The following KLHDC8A variants were observed in gnomAD, a reference collection of about 807,000 sequenced individuals.
KLHDC8A encodes the protein kelch domain-containing protein 8A.
A neutral mutation model predicts 33.1 loss-of-function variants in KLHDC8A; 21 were observed. The observed-to-expected ratio is 0.64, with a 90% CI of 0.45 to 0.91. The LOEUF is 0.91. KLHDC8A is among the 40% of genes least tolerant of loss of function. The probability of loss-of-function intolerance (pLI) is 0.00; values close to 1 mark genes in which losing one functional copy is unlikely to be tolerated. For missense variants in KLHDC8A, 435 were observed against 483.3 expected (o/e 0.90, Z 0.94); for synonymous variants, 173 against 193.5 (o/e 0.89, Z 0.88).
At chr1:205,345,583 CA>C (rs1229532536) in intron 1 of KLHDC8A, among the ~76,000 whole-genome samples, 1 of 151,238 alleles carries the variant, frequency 6.6e-6, no homozygotes, top group East Asian at 1.9e-4. Context: ...ACTAAGAATG[CA>C]AAAAAAATTA....
At position 205,339,907 on chromosome 1, in the gene KLHDC8A, A is replaced by G. The variant is rs1662746251; in HGVS notation, c.377-99T>C. ...CCTCCCATGGCCAGGCCAAGCTTTCAACCACTGCTCAGCCAGAGTGAGTCA... is the reference window on the plus strand; with the variant it reads ...CCTCCCATGGCCAGGCCAAGCTTTCGACCACTGCTCAGCCAGAGTGAGTCA... On this transcript the variant is annotated intron_variant, in intron 2 of 5. Transcript: ENST00000367155. The surrounding 1 kb of genome is among the most constrained non-coding windows in gnomAD (Gnocchi z 5.1). 2.7e-6 allele frequency: 3 copies of G among 1,104,054 alleles called. No individual in the cohort carries two copies. Among genetic ancestry groups the G allele is most frequent in the Non-Finnish European group, 3.9e-6 (3 of 765,760 alleles). The allele number at this position is 1,104,054 out of a possible 1,614,324, so 68.4% of individuals were successfully genotyped here. A position where few individuals can be genotyped will look rare whatever the true frequency, so the allele number is the denominator to read the frequency against.
At chr1:205,348,370 C>T (rs1663003759) in intron 1 of KLHDC8A, 3 of 152,136 alleles carry the variant, frequency 2.0e-5, no homozygotes, top group Non-Finnish European at 1.5e-5. Context: ...CAGAAATACT[C>T]TTTACCGGAG....
At position 205,343,150 on chromosome 1, in the gene KLHDC8A, GCC is replaced by G. The variant is rs1263868780; in HGVS notation, c.376+77_376+78del. 5 of 1,511,556 alleles carry G rather than the reference GCC, an allele frequency of 3.3e-6. No individual in the cohort carries two copies. The African/African-American group carries it at 6.9e-5, about 21-fold the overall frequency. The allele number at this position is 1,511,556 out of a possible 1,614,324, so 93.6% of individuals were successfully genotyped here. A position where few individuals can be genotyped will look rare whatever the true frequency, so the allele number is the denominator to read the frequency against. On this transcript the variant is annotated intron_variant, in intron 2 of 5. Coordinates refer to ENST00000367155, the MANE Select transcript of KLHDC8A (RefSeq NM_018203.3). ...CTAAACTCCACAGCCCACAGCAAAT[GCC>G]TGTTGGTTTCCATCTGTTTCCCTCC...
intron 1 of KLHDC8A, among the ~76,000 whole-genome samples, chr1:205,351,906 C>T (rs1258507164): frequency 2.7e-5 from 4 of 148,298 alleles, no homozygotes. Flanking sequence ...GCAACAAGGG[C>T]GAAACTCCGT....
At chr1:205,340,674 C>T (rs530876507) in intron 2 of KLHDC8A, among the ~76,000 whole-genome samples, 66 of 152,228 alleles carry the variant, frequency 4.3e-4, no homozygotes, top group Admixed American at 6.5e-4. Context: ...GGGGTTTCAC[C>T]GTGTTGGCCA....
intron 1 of KLHDC8A, among the ~76,000 whole-genome samples, chr1:205,355,300 T>C (rs1663235494): frequency 1.3e-5 from 2 of 152,192 alleles, no homozygotes; most frequent in African/African-American, 4.8e-5. Flanking sequence ...GCCTCCATAC[T>C]TGGCTTTGTG....
At chr1:205,352,809 AG>A (rs2102301644) in intron 1 of KLHDC8A, among the ~76,000 whole-genome samples, 1 of 152,324 alleles carries the variant, frequency 6.6e-6, no homozygotes, top group East Asian at 1.9e-4. Flanking sequence ...AGGGAGTGGC[AG>A]GGCCTTGGCC....
intron 1 of KLHDC8A, among the ~76,000 whole-genome samples, chr1:205,356,114 T>C (rs189472833): frequency 7.3e-6 from 1 of 136,778 alleles, no homozygotes; most frequent in African/African-American, 2.8e-5. Flanking sequence ...GAGTTCCCAG[T>C]GTCTATTGTT....
chr1:205,354,865 G>A (rs550806115), intron 1 of KLHDC8A, among the ~76,000 whole-genome samples: 6 of 152,318 alleles, frequency 3.9e-5, no homozygotes, highest in South Asian at 2.1e-4. Flanking sequence ...GATAATTTAC[G>A]TAAGTCTCTT....
chr1:205,340,849 G>A (rs1662771070), intron 2 of KLHDC8A, among the ~76,000 whole-genome samples: 2 of 152,326 alleles, frequency 1.3e-5, no homozygotes, highest in Admixed American at 6.5e-5. Context: ...TATGGCAGGG[G>A]CCTTTAGAAA....
At position 205,339,524 on chromosome 1, in the gene KLHDC8A, G is replaced by T; in HGVS notation, c.542-115C>A. ...CATTCATACAGGAAGCTCCCGGTGG[G>T]CTGGGCAGTGTGATTATCCCCAGTG... On this transcript the variant is annotated intron_variant, in intron 3 of 5. Transcript: ENST00000367155. This position sits in a 1 kb window ranked among gnomAD's most constrained non-coding sequence, Gnocchi z 5.1. 1 of 1,413,298 alleles carries T rather than the reference G, an allele frequency of 7.1e-7. No homozygotes were observed. The highest frequency in any genetic ancestry group is 9.8e-7 in the Non-Finnish European group (1 of 1,019,104). 87.5% of individuals were successfully genotyped at this position (1,413,298 alleles called of 1,614,324 possible).
chr1:205,356,598 G>T lies in KLHDC8A; in HGVS notation c.-255C>A, dbSNP rs1015067946. The stretch of plus-strand genomic sequence containing the variant: ...CAAAAGACAAAGAAGGGGAGGGGCC[G>T]GGAGAGGGTCGAGCGGGTGTTGGCT... On this transcript the variant is annotated 5_prime_UTR_variant, in exon 1 of 6. Coordinates refer to ENST00000367155, the MANE Select transcript of KLHDC8A (RefSeq NM_018203.3). 6 of 456,192 alleles carry T rather than the reference G, an allele frequency of 1.3e-5. No individual in the cohort carries two copies. The highest frequency in any genetic ancestry group is 1.2e-4 in the African/African-American group (6 of 50,096). 28.3% of individuals were successfully genotyped at this position (456,192 alleles called of 1,614,324 possible).
chr1:205,338,868 G>A (rs1272604180), intron 4 of KLHDC8A, among the ~76,000 whole-genome samples: 2 of 152,148 alleles, frequency 1.3e-5, no homozygotes, highest in Non-Finnish European at 2.9e-5. Context: ...CAGTGAGGGA[G>A]GAGTCAGGAT....
intron 1 of KLHDC8A, among the ~76,000 whole-genome samples, chr1:205,350,102 C>T (rs980814829): frequency 1.1e-4 from 17 of 152,190 alleles, no homozygotes; most frequent in African/African-American, 3.6e-4. Context: ...GTGATACGAT[C>T]GCAGAGGTCT....
In KLHDC8A at chr1:205,356,584, GA is replaced by G. The variant is rs1401725331; in HGVS notation, c.-242del. 2.2e-6 allele frequency: 1 copy of G among 456,382 alleles called. No homozygotes were observed. The allele number at this position is 456,382 out of a possible 1,614,324, so 28.3% of individuals were successfully genotyped here. ...CCGGCGATCATCTGCAAAAGACAAA[GA>G]AGGGGAGGGGCCGGGAGAGGGTCGA... On this transcript the variant is annotated 5_prime_UTR_variant, in exon 1 of 6. Coordinates refer to ENST00000367155, the MANE Select transcript of KLHDC8A (RefSeq NM_018203.3).
chr1:205,346,881 T>C (rs6593935), intron 1 of KLHDC8A, among the ~76,000 whole-genome samples: 30,798 of 152,118 alleles, frequency 0.2, 3,164 homozygotes, highest in East Asian at 0.31. Context: ...CGGCTGCCCA[T>C]ACTGTTTGTG....
At chr1:205,353,000 G>C (rs7541070) in intron 1 of KLHDC8A, among the ~76,000 whole-genome samples, 52,038 of 152,142 alleles carry the variant, frequency 0.34, 9,126 homozygotes, top group South Asian at 0.41. Context: ...TGTGTCCTTT[G>C]TTCCTCTCTA....
rs115580194 is a variant in KLHDC8A at position 205,347,233 on chromosome 1, C to T, written c.-189-3440G>A. ...TAGTTTCCATTGCCTGGGTTGAGTG[C>T]ACCAAGATGGGGCCTTAAGGAGTGC... On this transcript the variant is annotated intron_variant, in intron 1 of 5. Coordinates refer to ENST00000367155, the MANE Select transcript of KLHDC8A (RefSeq NM_018203.3). Among the ~76,000 whole-genome samples, 572 of 152,298 alleles carry T rather than the reference C, an allele frequency of 3.8e-3. 7 individuals carry two copies. Among genetic ancestry groups the T allele is most frequent in the African/African-American group, 0.013 (561 of 41,560 alleles).
At chr1:205,338,471 C>A in intron 5 of KLHDC8A, 24 bp downstream of exon 5, 1 of 1,570,100 alleles carries the variant, frequency 6.4e-7, no homozygotes, top group Non-Finnish European at 8.8e-7. Context: ...ACAATAAATT[C>A]CAGCGTGAAA....
Sources: gnomAD v4.1 joint callset for allele counts (sites outside exome capture counted in the v4.1 genomes callset) on GRCh38, gnomAD v4.1.1 for gene constraint, Gnocchi (gnomAD v3.1) non-coding constraint, MANE v1.5 for transcripts, NCBI Gene and HGNC (gene_info 2026-07-23, HGNC 2026-07-21) for gene names.